The following RGS20 variants were observed in gnomAD, a reference collection of about 807,000 sequenced individuals.
RGS20 encodes regulator of G protein signaling 20, also known as gz-selective GTPase-activating protein.
A neutral mutation model predicts 33.6 loss-of-function variants in RGS20; 30 were observed. That is an observed-to-expected ratio of 0.89 (90% CI 0.67 to 1.21). The LOEUF (loss-of-function observed/expected upper bound fraction) is 1.21. Among genes scored for constraint, RGS20 ranks in the 50% most tolerant of loss-of-function variants. RGS20 has a pLI of 0.00. For synonymous variants in RGS20, 208 were observed against 197.9 expected, an observed-to-expected ratio of 1.05 and a Z score of -0.43; for missense variants, 472 against 502.4, an observed-to-expected ratio of 0.94 and a Z score of 0.58.
chr8:53,924,593 G>C (rs939347848), intron 2 of RGS20, among the ~76,000 whole-genome samples: 1 of 152,072 alleles, frequency 6.6e-6, no homozygotes, highest in Admixed American at 6.6e-5. Context: ...CAAAGCACTG[G>C]GATAACAGGC....
At chr8:53,888,355 T>G (rs192090612) in intron 2 of RGS20, among the ~76,000 whole-genome samples, 99 of 152,326 alleles carry the variant, frequency 6.5e-4, no homozygotes, top group African/African-American at 2.3e-3. Context: ...TTAACTTCAT[T>G]TACTTGAGTT....
chr8:53,919,496 T>C (rs11986028), intron 2 of RGS20, among the ~76,000 whole-genome samples: 61,980 of 151,924 alleles, frequency 0.41, 15,883 homozygotes, highest in African/African-American at 0.74. Flanking sequence ...CACGTGCCAC[T>C]AGGCTCTGCT....
In RGS20 at chr8:53,920,026, A is replaced by G. The variant is rs1813598511; in HGVS notation, c.511-19550A>G. Reference sequence around the variant, plus strand: ...GTAGCTGGGACTACAGGCGCACACCACCATGCCTAGCTAATTTTTTGTACT... The same window carrying G: ...GTAGCTGGGACTACAGGCGCACACCGCCATGCCTAGCTAATTTTTTGTACT... On this transcript the variant is annotated intron_variant, in intron 2 of 5. Transcript: ENST00000297313. 2.6e-5 allele frequency among the ~76,000 whole-genome samples: 4 copies of G among 152,056 alleles called. No individual in the cohort carries two copies. In the South Asian group the frequency reaches 8.3e-4, roughly 32 times the overall value.
intron 1 of RGS20, among the ~76,000 whole-genome samples, chr8:53,870,030 T>C (rs918349371): frequency 6.6e-6 from 1 of 152,280 alleles, no homozygotes; most frequent in South Asian, 2.1e-4. Context: ...GTAGGAGTGA[T>C]GGTAACTAGA....
intron 1 of RGS20, among the ~76,000 whole-genome samples, chr8:53,858,387 C>G (rs958991651): frequency 4.7e-4 from 72 of 152,156 alleles, no homozygotes; most frequent in Non-Finnish European, 4.6e-4. Context: ...TAGTATCTCA[C>G]TGCAGTAAGG....
chr8:53,856,943 C>A (rs575432566), intron 1 of RGS20, among the ~76,000 whole-genome samples: 3 of 152,028 alleles, frequency 2.0e-5, no homozygotes, highest in Non-Finnish European at 2.9e-5. Context: ...GACAATGGAG[C>A]CTTGTGTGAT....
At chr8:53,901,971 C>T (rs779655585) in intron 2 of RGS20, among the ~76,000 whole-genome samples, 17 of 152,174 alleles carry the variant, frequency 1.1e-4, no homozygotes, top group Non-Finnish European at 2.2e-4. Flanking sequence ...ATTCTCATCG[C>T]TGAATAATAT....
At chr8:53,853,097 G>A (rs964346431) in intron 1 of RGS20, among the ~76,000 whole-genome samples, 2 of 152,198 alleles carry the variant, frequency 1.3e-5, no homozygotes, top group Admixed American at 1.3e-4. Flanking sequence ...GAAATGGGAT[G>A]TAGTGTCCAA....
chr8:53,895,845 C>T (rs905697783), intron 2 of RGS20, among the ~76,000 whole-genome samples: 1 of 151,990 alleles, frequency 6.6e-6, no homozygotes, highest in Admixed American at 6.5e-5. Context: ...TAGGGTTTCA[C>T]CATGTTGGTC....
chr8:53,853,195 A>G (rs1811603388), intron 1 of RGS20, among the ~76,000 whole-genome samples: 1 of 152,222 alleles, frequency 6.6e-6, no homozygotes, highest in Non-Finnish European at 1.5e-5. Context: ...CTTTGAGGAA[A>G]CAGAGAGCAA....
At chr8:53,920,210 G>A (rs891986073) in intron 2 of RGS20, among the ~76,000 whole-genome samples, 2 of 152,036 alleles carry the variant, frequency 1.3e-5, no homozygotes, top group Admixed American at 1.3e-4. Context: ...CAATCGTTTT[G>A]TGGTTTCCAG....
At chr8:53,930,467 A>C (rs1209792524) in intron 2 of RGS20, among the ~76,000 whole-genome samples, 1 of 152,214 alleles carries the variant, frequency 6.6e-6, no homozygotes, top group Non-Finnish European at 1.5e-5. Context: ...AAGATGTTGG[A>C]ACAGGACTCC....
At chr8:53,925,798 C>G (rs547428140) in intron 2 of RGS20, among the ~76,000 whole-genome samples, 11 of 151,976 alleles carry the variant, frequency 7.2e-5, no homozygotes, top group Admixed American at 6.6e-4. Context: ...CAGGGAACAG[C>G]TAGTACTAAG....
intron 3 of RGS20, 164 bp from the exon 3 acceptor site, chr8:53,946,501 C>T (rs767291161): frequency 1.4e-6 from 1 of 727,484 alleles, no homozygotes; most frequent in Non-Finnish European, 2.5e-6. Context: ...TATTGTCACA[C>T]TTTTGGTTTG....
At chr8:53,946,251 C>G (rs1178014151) in intron 3 of RGS20, among the ~76,000 whole-genome samples, 1 of 152,024 alleles carries the variant, frequency 6.6e-6, no homozygotes, top group African/African-American at 2.4e-5. Flanking sequence ...TAAATAGAGA[C>G]AGGGTCTCGC....
At chr8:53,884,066 T>C (rs1012980389) in intron 2 of RGS20, among the ~76,000 whole-genome samples, 1 of 152,158 alleles carries the variant, frequency 6.6e-6, no homozygotes, top group South Asian at 2.1e-4. Context: ...ACTATTATTA[T>C]ATTGATGCTA....
At position 53,944,307 on chromosome 8, in the gene RGS20, A is replaced by G. The variant is rs531036493; in HGVS notation, c.660-2358A>G. 2.6e-5 allele frequency among the ~76,000 whole-genome samples: 4 copies of G among 152,332 alleles called. No homozygotes were observed. In the South Asian group the frequency reaches 8.3e-4, roughly 32 times the overall value. On this transcript the variant is annotated intron_variant, in intron 3 of 5. Coordinates refer to ENST00000297313, the MANE Select transcript of RGS20 (RefSeq NM_170587.4). ...GTAATCCCAACACTTTGGGAGGCCG[A>G]GGCGGGCAGATCACAAGGTCAGCAA...
chr8:53,925,382 G>A (rs944506985), intron 2 of RGS20, among the ~76,000 whole-genome samples: 2 of 151,962 alleles, frequency 1.3e-5, no homozygotes, highest in South Asian at 4.2e-4. Flanking sequence ...GAAACCAGGA[G>A]TAAAAAAAAA....
chr8:53,956,395 T>G (rs948350679), intron 5 of RGS20, among the ~76,000 whole-genome samples: 8 of 152,176 alleles, frequency 5.3e-5, no homozygotes, highest in African/African-American at 1.9e-4. Flanking sequence ...TTAGCCTGTT[T>G]ATATCATCAA....
Sources: allele counts gnomAD v4.1 joint callset (sites outside exome capture counted in the v4.1 genomes callset), GRCh38; gene constraint gnomAD v4.1.1; transcripts MANE v1.5; gene names NCBI Gene and HGNC (gene_info 2026-07-23, HGNC 2026-07-21).